Variants in THG1L observed in about 807,000 individuals in gnomAD.
THG1L encodes tRNA-histidine guanylyltransferase 1 like, also known as probable tRNA(His) guanylyltransferase.
THG1L carries 27 observed loss-of-function variants against 35.2 expected under a neutral mutation model. That is an observed-to-expected ratio of 0.77 (90% CI 0.57 to 1.06). THG1L has a LOEUF of 1.06. Among genes scored for constraint, THG1L ranks in the 50% least tolerant of loss-of-function variants. THG1L has a pLI of 0.00. For synonymous variants in THG1L, 135 were observed against 132.4 expected (o/e 1.02, Z -0.14); for missense variants, 377 against 371.8 (o/e 1.01, Z -0.12).
rs375396252 is a variant in THG1L at position 157,739,489 on chromosome 5, T to C, written c.*7T>C. The C allele has an allele frequency of 6.2e-7, 1 of 1,610,376 alleles. No homozygotes were observed. Among genetic ancestry groups the C allele is most frequent in the African/African-American group, 1.3e-5 (1 of 74,884 alleles). Reference sequence around the variant, plus strand: ...TCTAGATGAAGACAGCTGACCCTTTTGCGCTTCAGTTCTGGTGTGCTTAAC... The same window carrying C: ...TCTAGATGAAGACAGCTGACCCTTTCGCGCTTCAGTTCTGGTGTGCTTAAC... On this transcript the variant is annotated 3_prime_UTR_variant, in exon 6 of 6. Transcript: ENST00000231198.
At chr5:157,738,873 G>A (rs190641511) in intron 5 of THG1L, 15 of 179,622 alleles carry the variant, frequency 8.4e-5, no homozygotes, top group African/African-American at 3.0e-4. Flanking sequence ...TGCTCAGGCC[G>A]GAGTACAGTG....
Position 157,731,449 on chromosome 5 carries a change from C to A in THG1L, c.9C>A (p.Gly3=). The A allele has an allele frequency of 6.3e-7, 1 of 1,592,704 alleles. No individual in the cohort carries two copies. MW[G]ACKVKVHDSL... is the part of the protein sequence containing the mutation. ...TCCTTTCCGCGTGTAGAATGTGGGG[C>A]GCCTGTAAAGTTAAGGTTCACGATT... Residue 3 remains glycine (G), a synonymous_variant, in exon 1 of 6, where the codon GGC becomes GGA. Transcript: ENST00000231198.
rs1196716955 is a variant in THG1L at position 157,739,849 on chromosome 5, GC to G, written c.*370del. 6.3e-6 allele frequency: 1 copy of G among 159,912 alleles called. No individual in the cohort carries two copies. The highest frequency in any genetic ancestry group is 1.4e-5 in the Non-Finnish European group (1 of 73,504). 9.9% of individuals were successfully genotyped at this position (159,912 alleles called of 1,614,324 possible). On this transcript the variant is annotated 3_prime_UTR_variant, in exon 6 of 6. Coordinates refer to ENST00000231198, the MANE Select transcript of THG1L (RefSeq NM_017872.5). The stretch of plus-strand genomic sequence containing the variant: ...TATTTTCATCTATGAGAGAAGAGGA[GC>G]CCAAACTCTCGCCCACCTGTTCTTA...
chr5:157,731,693 C>T lies in THG1L; in HGVS notation c.191+62C>T, dbSNP rs2270816. On this transcript the variant is annotated intron_variant, in intron 1 of 5. Transcript: ENST00000231198. ...GCGCTTCCGGGGAATCCAGCTTCTT[C>T]CCTTGCAAGTCCTCCCGCCCGCTCC... 12 of 1,534,794 alleles carry T rather than the reference C, an allele frequency of 7.8e-6. No homozygotes were observed. The East Asian group carries it at 1.4e-4, about 18-fold the overall frequency.
At chr5:157,732,243 A>AAAAAAAAAG (rs1760747334) in intron 1 of THG1L, among the ~76,000 whole-genome samples, 8 of 90,540 alleles carry the variant, frequency 8.8e-5, no homozygotes, top group Admixed American at 6.5e-4. Flanking sequence ...AAAAAAAAAA[A>AAAAAAAAAG]AGAGAGAGAG....
intron 5 of THG1L, 98 bp downstream of exon 5, chr5:157,738,092 T>G (rs1760930635): frequency 1.1e-6 from 1 of 892,212 alleles, no homozygotes; most frequent in African/African-American, 1.7e-5. Flanking sequence ...ATGCTGATGT[T>G]ACTCCAGTTG....
chr5:157,735,993 A>G (rs1395264209), intron 4 of THG1L, 59 bp downstream of exon 4: 3 of 1,179,796 alleles, frequency 2.5e-6, no homozygotes, highest in Middle Eastern at 1.9e-4. Context: ...AGGCTCTCCC[A>G]TAACTTTTTT....
Position 157,731,457 on chromosome 5 carries a change from A to G in THG1L, c.17A>G (p.Lys6Arg). The change falls in exon 1 of 6, where the codon AAA (lysine) becomes AGA (arginine). Residue 6 changes from lysine (K) to arginine (R), a missense_variant. Lys to Arg is a conservative substitution (Grantham distance 26, BLOSUM62 2). Coordinates refer to ENST00000231198, the MANE Select transcript of THG1L (RefSeq NM_017872.5). MWGACKVKVHDSLATI... is the reference protein window; with the variant it reads MWGACRVKVHDSLATI... ...GCGTGTAGAATGTGGGGCGCCTGTAAAGTTAAGGTTCACGATTCCTTGGCC... is the reference window on the plus strand; with the variant it reads ...GCGTGTAGAATGTGGGGCGCCTGTAGAGTTAAGGTTCACGATTCCTTGGCC... 1.8e-5 allele frequency: 29 copies of G among 1,603,778 alleles called. No homozygotes were observed. The highest frequency in any genetic ancestry group is 2.5e-5 in the Non-Finnish European group (29 of 1,174,146).
Position 157,734,588 on chromosome 5 carries a change from T to C in THG1L, c.381T>C (p.Thr127=). 6.2e-7 allele frequency: 1 copy of C among 1,614,170 alleles called. No homozygotes were observed. ...WFKRRASKFM[T]HVASQFASSY... ...TTACATTTTCAAGTAAGTTCATGAC[T>C]CACGTGGCCTCCCAGTTTGCCTCCA... The change falls in exon 3 of 6, where the codon ACT becomes ACC. Residue 127 remains threonine (T), a synonymous_variant. Transcript: ENST00000231198.
chr5:157,738,078 C>A, intron 5 of THG1L, 84 bp downstream of exon 5: 2 of 1,033,120 alleles, frequency 1.9e-6, no homozygotes, highest in South Asian at 1.4e-5. Flanking sequence ...TCCCTGCTGC[C>A]TGTATGCTGA....
At chr5:157,734,536 T>C (rs1373491849) in intron 2 of THG1L, 40 bp from the exon 3 acceptor site, 4 of 1,609,168 alleles carry the variant, frequency 2.5e-6, no homozygotes, top group Non-Finnish European at 3.4e-6. Context: ...CGTGTATTTT[T>C]CTTTTTCTTA....
chr5:157,738,824 CTTT>C (rs33954159), intron 5 of THG1L: 178 of 162,992 alleles, frequency 1.1e-3, no homozygotes, highest in South Asian at 3.1e-3. Context: ...ATAGTATAAC[CTTT>C]TTTTTTTTTT....
chr5:157,735,857 A>C lies in THG1L; in HGVS notation c.550A>C (p.Asn184His). The C allele has an allele frequency of 6.2e-7, 1 of 1,600,302 alleles. No individual in the cohort carries two copies. The highest frequency in any genetic ancestry group is 8.5e-7 in the Non-Finnish European group (1 of 1,173,964). The part of the protein sequence containing the change: ...SWRQADCHIN[N>H]LYNTVFWALI... ...TGTTCTCCTCACAGGTCACATCAAT[A>C]ATCTTTATAATACAGTTTTCTGGGC... The change falls in exon 4 of 6, where the codon AAT becomes CAT. Residue 184 changes from asparagine to histidine, a missense_variant. Physicochemically the swap from Asn to His is moderately conservative, Grantham distance 68. Coordinates refer to ENST00000231198, the MANE Select transcript of THG1L (RefSeq NM_017872.5).
At chr5:157,738,581 G>GTTTT (rs775419758) in intron 5 of THG1L, 3 of 401,708 alleles carry the variant, frequency 7.5e-6, no homozygotes, top group East Asian at 1.7e-4. Context: ...TCCATGTAAA[G>GTTTT]TTTTTTTGTT....
At position 157,741,279 on chromosome 5, in the gene THG1L, T is replaced by C. The variant is rs1761035192; in HGVS notation, c.*1797T>C. Reference sequence around the variant, plus strand: ...GCAGAATTTACATCTAAGAAGAAAATGTATTTTTGAAAGGGTGATGGCTGG... The same window carrying C: ...GCAGAATTTACATCTAAGAAGAAAACGTATTTTTGAAAGGGTGATGGCTGG... On this transcript the variant is annotated 3_prime_UTR_variant, in exon 6 of 6. Transcript: ENST00000231198. 1 of 151,990 alleles carries C rather than the reference T, an allele frequency of 6.6e-6. No homozygotes were observed. Among genetic ancestry groups the C allele is most frequent in the African/African-American group, 2.4e-5 (1 of 41,322 alleles). 9.4% of individuals were successfully genotyped at this position (151,990 alleles called of 1,614,324 possible).
rs900515226 is a variant in THG1L, at chr5:157,740,044, T to C, written c.*562T>C. The C allele has an allele frequency of 2.0e-5, 3 of 152,256 alleles. No individual in the cohort carries two copies. Among genetic ancestry groups the C allele is most frequent in the African/African-American group, 7.2e-5 (3 of 41,460 alleles). 9.4% of individuals were successfully genotyped at this position (152,256 alleles called of 1,614,324 possible). A position where few individuals can be genotyped will look rare whatever the true frequency, so the allele number is the denominator to read the frequency against. ...GTGCCAGTCTCTAAGTTGGCAACTT[T>C]GGCTGAACAAATGAGTAGTGGCTTC... On this transcript the variant is annotated 3_prime_UTR_variant, in exon 6 of 6. Transcript: ENST00000231198.
chr5:157,732,821 A>G (rs376399517), intron 1 of THG1L, 47 bp from the exon 2 acceptor site: 378 of 1,608,480 alleles, frequency 2.4e-4, no homozygotes, highest in Non-Finnish European at 3.1e-4. Flanking sequence ...GCGTGTTGTT[A>G]ATGACAGGCT....
rs543718788 is a variant in THG1L at position 157,734,706 on chromosome 5, C to T, written c.499C>T (p.Gln167Ter). The T allele has an allele frequency of 9.3e-6, 15 of 1,613,976 alleles. No individual in the cohort carries two copies. Among genetic ancestry groups the T allele is most frequent in the Non-Finnish European group, 1.3e-5 (15 of 1,180,038 alleles). ...AAGAGTCGTGGTGTATCCCAGCAAC[C>T]AGACTTTAAAGGACTACCTCAGCTG... is the stretch of plus-strand genomic sequence containing the variant. The part of the protein sequence containing the change: ...DGRVVVYPSN[Q>*]TLKDYLSWRQ... Residue 167 changes from glutamine (Q) to a stop codon, truncating the protein, a stop_gained, in exon 3 of 6, where the codon CAG becomes TAG. Transcript: ENST00000231198. LOFTEE classifies it high-confidence loss of function.
In THG1L at chr5:157,740,902, C is replaced by CAA. The variant is rs376120882; in HGVS notation, c.*1435_*1436dup. The CAA allele has an allele frequency of 0.025, 2,962 of 116,498 alleles. 126 individuals are homozygous for CAA. The highest frequency in any genetic ancestry group is 0.083 in the African/African-American group (2,496 of 30,240). 7.2% of individuals were successfully genotyped at this position (116,498 alleles called of 1,614,324 possible). ...CTGGGCAACGAGCGAAACTACATCT[C>CAA]AAAAAAAAAAAAAAAAGACATGGCT... On this transcript the variant is annotated 3_prime_UTR_variant, in exon 6 of 6. Coordinates refer to ENST00000231198, the MANE Select transcript of THG1L (RefSeq NM_017872.5).
Sources: gnomAD v4.1 joint callset for allele counts (sites outside exome capture counted in the v4.1 genomes callset) on GRCh38, gnomAD v4.1.1 for gene constraint, MANE v1.5 for transcripts, NCBI Gene and HGNC (gene_info 2026-07-23, HGNC 2026-07-21) for gene names.